Variants in CADM2 observed in about 807,000 individuals in gnomAD.
CADM2 encodes the protein cell adhesion molecule 2.
CADM2 carries 12 observed loss-of-function variants against 49.8 expected under a neutral mutation model. The ratio of observed to expected loss-of-function variants is 0.24; its 90% confidence interval spans 0.15 to 0.39. CADM2 has a LOEUF of 0.39. Among genes scored for constraint, CADM2 ranks in the 10% least tolerant of loss-of-function variants. The pLI, the probability that CADM2 is intolerant of heterozygous loss-of-function variation, is 1.00. For synonymous variants in CADM2, 214 were observed against 175.4 expected (o/e 1.22, Z -1.74); for missense variants, 378 against 492.3 (o/e 0.77, Z 2.20).
At chr3:85,734,757 T>C (rs920691098) in intron 2 of CADM2, among the ~76,000 whole-genome samples, 3 of 148,358 alleles carry the variant, frequency 2.0e-5, no homozygotes, top group African/African-American at 7.4e-5. Context: ...CATATATGTA[T>C]ATATACATAT....
At chr3:85,218,574 G>T (rs919427135) in intron 1 of CADM2, among the ~76,000 whole-genome samples, 11 of 152,108 alleles carry the variant, frequency 7.2e-5, no homozygotes, top group African/African-American at 2.7e-4. Flanking sequence ...GAGGTGGGTG[G>T]ATCATGAGAT....
intron 1 of CADM2, among the ~76,000 whole-genome samples, chr3:85,331,318 C>T (rs1263962477): frequency 6.6e-6 from 1 of 150,978 alleles, no homozygotes; most frequent in Admixed American, 6.6e-5. Flanking sequence ...CACCATTCTA[C>T]TCTCTATCTC....
At chr3:85,399,462 T>C (rs1424426396) in intron 1 of CADM2, among the ~76,000 whole-genome samples, 2 of 152,226 alleles carry the variant, frequency 1.3e-5, no homozygotes, top group African/African-American at 4.8e-5. Flanking sequence ...CAATGCGGGC[T>C]CTTTTTTGGT....
At chr3:85,727,192 T>A (rs1428492244) in intron 2 of CADM2, among the ~76,000 whole-genome samples, 4 of 152,110 alleles carry the variant, frequency 2.6e-5, no homozygotes, top group Non-Finnish European at 5.9e-5. Flanking sequence ...ATTTATGTAT[T>A]TCAATTTCAT....
intron 3 of CADM2, among the ~76,000 whole-genome samples, chr3:85,856,171 G>A (rs2075310254): frequency 6.6e-6 from 1 of 152,034 alleles, no homozygotes; most frequent in Admixed American, 6.6e-5. Context: ...TATAAACATA[G>A]CGTATTTATT....
intron 1 of CADM2, among the ~76,000 whole-genome samples, chr3:85,461,793 T>C (rs778208475): frequency 3.5e-4 from 53 of 152,206 alleles, no homozygotes; most frequent in Admixed American, 2.5e-3. Context: ...AACTATTAAA[T>C]GTCAGTTGTC....
chr3:85,798,408 T>A (rs981671956), intron 2 of CADM2, among the ~76,000 whole-genome samples: 2 of 152,160 alleles, frequency 1.3e-5, no homozygotes, highest in African/African-American at 4.8e-5. Context: ...CAGATCTTAA[T>A]GTTTAAATCT....
intron 1 of CADM2, among the ~76,000 whole-genome samples, chr3:85,645,171 T>C (rs1275033613): frequency 6.6e-6 from 1 of 152,130 alleles, no homozygotes; most frequent in East Asian, 1.9e-4. Flanking sequence ...GAAATTTTGA[T>C]TTATGAAAAA....
chr3:85,368,545 C>T (rs951436041), intron 1 of CADM2, among the ~76,000 whole-genome samples: 1 of 149,122 alleles, frequency 6.7e-6, no homozygotes, highest in African/African-American at 2.5e-5. Flanking sequence ...TTAATATATA[C>T]CTGAATATAT....
chr3:85,466,561 C>G (rs1318258047), intron 1 of CADM2, among the ~76,000 whole-genome samples: 47 of 152,104 alleles, frequency 3.1e-4, no homozygotes, highest in Admixed American at 3.1e-3. Flanking sequence ...CCAGTCACCC[C>G]TATTCATAGA....
intron 2 of CADM2, among the ~76,000 whole-genome samples, chr3:85,771,298 C>A (rs1262655314): frequency 6.6e-6 from 1 of 152,016 alleles, no homozygotes; most frequent in Admixed American, 6.6e-5. Flanking sequence ...CCATATCTTT[C>A]TTTAGGGAAA....
At chr3:85,457,741 C>T (rs1048189437) in intron 1 of CADM2, among the ~76,000 whole-genome samples, 1 of 152,046 alleles carries the variant, frequency 6.6e-6, no homozygotes, top group African/African-American at 2.4e-5. Flanking sequence ...ATGATTGACA[C>T]TATAATATTA....
At chr3:85,143,526 G>A (rs1163291581) in intron 1 of CADM2, among the ~76,000 whole-genome samples, 3 of 152,148 alleles carry the variant, frequency 2.0e-5, no homozygotes, top group African/African-American at 7.2e-5. Context: ...ATTTGAGACA[G>A]ATTTTTCAAC....
intron 6 of CADM2, among the ~76,000 whole-genome samples, chr3:85,926,235 T>G (rs1313720740): frequency 6.6e-6 from 1 of 152,046 alleles, no homozygotes; most frequent in Non-Finnish European, 1.5e-5. Flanking sequence ...ATTGACATTT[T>G]GGGCAAGAGA....
intron 1 of CADM2, among the ~76,000 whole-genome samples, chr3:85,069,570 A>AT (rs1559644539): frequency 6.6e-6 from 1 of 152,156 alleles, no homozygotes; most frequent in African/African-American, 2.4e-5. Flanking sequence ...TTTCCCTTTT[A>AT]TAATAATTTT....
At chr3:85,228,614 C>T (rs746282829) in intron 1 of CADM2, among the ~76,000 whole-genome samples, 17 of 152,056 alleles carry the variant, frequency 1.1e-4, no homozygotes, top group Non-Finnish European at 2.4e-4. Flanking sequence ...GAGGCCCCCT[C>T]CACACTGTGT....
At chr3:85,629,969 C>CT (rs1269733366) in intron 1 of CADM2, among the ~76,000 whole-genome samples, 2 of 151,838 alleles carry the variant, frequency 1.3e-5, no homozygotes, top group Non-Finnish European at 2.9e-5. Flanking sequence ...TTAAGTGTTT[C>CT]TTTTTGTAGA....
At chr3:85,510,900 GT>G (rs2040585133) in intron 1 of CADM2, among the ~76,000 whole-genome samples, 1 of 99,252 alleles carries the variant, frequency 1.0e-5, no homozygotes, top group Non-Finnish European at 2.7e-5. Flanking sequence ...AATAAGTAAT[GT>G]AATGAGGGTT....
intron 1 of CADM2, among the ~76,000 whole-genome samples, chr3:85,309,095 G>A (rs2044282443): frequency 1.3e-5 from 2 of 151,906 alleles, no homozygotes; most frequent in South Asian, 4.2e-4. Flanking sequence ...ATATATTTGG[G>A]CCAAAGTTAC....
Sources: allele counts gnomAD v4.1 joint callset (sites outside exome capture counted in the v4.1 genomes callset), GRCh38; gene constraint gnomAD v4.1.1; transcripts MANE v1.5; gene names NCBI Gene and HGNC (gene_info 2026-07-23, HGNC 2026-07-21).